The following SH3GL1 variants were observed in gnomAD, a reference collection of about 807,000 sequenced individuals.
SH3GL1 encodes endophilin-A2.
In SH3GL1, 21 loss-of-function variants were observed where a neutral mutation model predicts 48.8. The observed-to-expected ratio is 0.43, with a 90% CI of 0.30 to 0.62. The LOEUF (loss-of-function observed/expected upper bound fraction) is 0.62. Among genes scored for constraint, SH3GL1 ranks in the 20% least tolerant of loss-of-function variants. SH3GL1 has a pLI of 0.11. For synonymous variants in SH3GL1, 282 were observed against 217.5 expected, an observed-to-expected ratio of 1.30 and a Z score of -2.61; for missense variants, 454 against 503.0, an observed-to-expected ratio of 0.90 and a Z score of 0.93.
At chr19:4,378,408 G>A (rs1375150730) in intron 1 of SH3GL1, among the ~76,000 whole-genome samples, 2 of 152,110 alleles carry the variant, frequency 1.3e-5, no homozygotes, top group African/African-American at 4.8e-5. Flanking sequence ...AGGCGTGGAT[G>A]TGCTTTAGAA....
In SH3GL1 at chr19:4,363,727, T is replaced by C; in HGVS notation, c.617A>G (p.Glu206Gly). The change falls in exon 6 of 10, where the codon GAG (glutamate) becomes GGG (glycine). Residue 206 changes from glutamate to glycine, a missense_variant. Glu to Gly is a moderately conservative substitution (Grantham distance 98, BLOSUM62 -2). Around this residue, in one of 2 missense-constraint regions of SH3GL1, gnomAD observed 278 missense variants for 246.8 expected, o/e 1.13. Coordinates refer to ENST00000269886, the MANE Select transcript of SH3GL1 (RefSeq NM_003025.4). ...VAETSMHNLL[E>G]TDIEQVSQLS... ...ACACCCCGAGCTACTCACGTCAGTC[T>C]CCAGGAGGTTGTGCATGCTGGTTTC... The C allele has an allele frequency of 6.2e-7, 1 of 1,613,378 alleles. No homozygotes were observed.
intron 1 of SH3GL1, among the ~76,000 whole-genome samples, chr19:4,399,676 G>A (rs557964177): frequency 2.0e-4 from 30 of 152,308 alleles, no homozygotes; most frequent in African/African-American, 6.3e-4. Flanking sequence ...CGACGGAGGG[G>A]GAGAAATCCC....
Position 4,361,686 on chromosome 19 carries a change from C to A in SH3GL1, c.1021G>T (p.Glu341Ter). Residue 341 changes from glutamate (E) to a stop codon, truncating the protein, a stop_gained, in exon 10 of 10, where the codon GAG becomes TAG. Transcript: ENST00000269886. LOFTEE classifies it high-confidence loss of function. ...DVITLTNQID[E>*]NWYEGMLDGQ... ...TCCAGCATGCCCTCGTACCAGTTCT[C>A]ATCGATCTGGTTGGTCAGCGTGATG... 1 of 1,612,958 alleles carries A rather than the reference C, an allele frequency of 6.2e-7. No homozygotes were observed. The highest frequency in any genetic ancestry group is 8.5e-7 in the Non-Finnish European group (1 of 1,179,624).
At position 4,363,818 on chromosome 19, in the gene SH3GL1, C is replaced by G. The variant is rs773905674; in HGVS notation, c.526G>C (p.Gly176Arg). The G allele has an allele frequency of 6.2e-7, 1 of 1,613,614 alleles. No homozygotes were observed. The highest frequency in any genetic ancestry group is 8.5e-7 in the Non-Finnish European group (1 of 1,180,046). Residue 176 changes from glycine (G) to arginine (R), a missense_variant, in exon 6 of 10, where the codon GGC becomes CGC. Coordinates refer to ENST00000269886, the MANE Select transcript of SH3GL1 (RefSeq NM_003025.4). ...LDFDYKKKRQGKIPDEELRQA... is the reference protein window; with the variant it reads ...LDFDYKKKRQRKIPDEELRQA... Reference sequence around the variant, plus strand: ...CGTAGCTCCTCATCGGGGATCTTGCCCTGCCGCTTCTTCTTGTAGTCAAAG... The same window carrying G: ...CGTAGCTCCTCATCGGGGATCTTGCGCTGCCGCTTCTTCTTGTAGTCAAAG...
At chr19:4,384,356 A>G (rs1973194711) in intron 1 of SH3GL1, among the ~76,000 whole-genome samples, 1 of 152,190 alleles carries the variant, frequency 6.6e-6, no homozygotes, top group Admixed American at 6.5e-5. Flanking sequence ...ACGGTGGAGG[A>G]GGGTTGAAAT....
intron 1 of SH3GL1, among the ~76,000 whole-genome samples, chr19:4,382,250 T>TTCC (rs1973148681): frequency 8.0e-6 from 1 of 124,534 alleles, no homozygotes; most frequent in Non-Finnish European, 1.8e-5. Flanking sequence ...GGTGCTCCGC[T>TTCC]TTCTTTTTTT....
intron 3 of SH3GL1, among the ~76,000 whole-genome samples, chr19:4,365,943 G>A (rs547942395): frequency 5.9e-5 from 9 of 152,294 alleles, no homozygotes; most frequent in Admixed American, 2.0e-4. Context: ...GATGTGCAGC[G>A]GGGGGTGGTT....
intron 1 of SH3GL1, among the ~76,000 whole-genome samples, chr19:4,386,295 C>G (rs1599615699): frequency 6.6e-6 from 1 of 152,156 alleles, no homozygotes; most frequent in East Asian, 1.9e-4. Flanking sequence ...AGAAAGTTCC[C>G]AGAGCTTCCT....
rs1490704484 is a variant in SH3GL1, at chr19:4,393,300, A to AC, written c.45+7023_45+7024insG. Among the ~76,000 whole-genome samples the AC allele has an allele frequency of 7.2e-5, 11 of 151,758 alleles. No homozygotes were observed. In the South Asian group the frequency reaches 1.5e-3, roughly 20 times the overall value. ...CAAAAATAACAAAACAAACAAACAA[A>AC]AAAAAACACCATCATAAATAAACTA... is the stretch of plus-strand genomic sequence containing the variant. On this transcript the variant is annotated intron_variant, in intron 1 of 9. Coordinates refer to ENST00000269886, the MANE Select transcript of SH3GL1 (RefSeq NM_003025.4).
chr19:4,363,335 C>T, intron 7 of SH3GL1, 35 bp downstream of exon 7: 1 of 1,528,210 alleles, frequency 6.5e-7, no homozygotes, highest in Non-Finnish European at 8.9e-7. Context: ...CGCATGGCAG[C>T]CCAGACTCTG....
intron 1 of SH3GL1, among the ~76,000 whole-genome samples, chr19:4,397,883 G>C (rs1342236757): frequency 1.3e-5 from 2 of 152,258 alleles, no homozygotes; most frequent in East Asian, 1.9e-4. Flanking sequence ...GTCTCACTTT[G>C]CTGCCCAGGC....
intron 1 of SH3GL1, among the ~76,000 whole-genome samples, chr19:4,392,070 G>A (rs1973347637): frequency 6.6e-6 from 1 of 152,196 alleles, no homozygotes; most frequent in African/African-American, 2.4e-5. Flanking sequence ...AGGTCAGCCT[G>A]CAGCTGCTGG....
intron 1 of SH3GL1, among the ~76,000 whole-genome samples, chr19:4,369,228 CT>C (rs1192419456): frequency 6.6e-6 from 1 of 152,222 alleles, no homozygotes; most frequent in African/African-American, 2.4e-5. Flanking sequence ...GGAGCCCCCC[CT>C]CCCTAGGTGT....
At chr19:4,387,792 G>A (rs1001809236) in intron 1 of SH3GL1, among the ~76,000 whole-genome samples, 5 of 151,596 alleles carry the variant, frequency 3.3e-5, no homozygotes, top group East Asian at 1.9e-4. Flanking sequence ...CCAGCGATTC[G>A]CCTGCCTCAG....
rs1534850 is a variant in SH3GL1 at position 4,365,347 on chromosome 19, C to G, written c.331+135G>C. On this transcript the variant is annotated intron_variant, in intron 4 of 9. Transcript: ENST00000269886. ...GGTTGGTCTGTGCAGTCTCCTGCAC[C>G]TCTGCAGCTGGAAAGCTGTGGGGGC... The G allele has an allele frequency of 5.2e-3, 6,344 of 1,224,898 alleles. 256 individuals carry two copies. In the African/African-American group the frequency reaches 0.084, roughly 16 times the overall value. The allele number at this position is 1,224,898 out of a possible 1,614,324, so 75.9% of individuals were successfully genotyped here. A position where few individuals can be genotyped will look rare whatever the true frequency, so the allele number is the denominator to read the frequency against.
chr19:4,369,497 C>T (rs1972853145), intron 1 of SH3GL1, among the ~76,000 whole-genome samples: 1 of 152,212 alleles, frequency 6.6e-6, no homozygotes, highest in Non-Finnish European at 1.5e-5. Flanking sequence ...TCCGTCAGGG[C>T]CCTTCCCCAG....
In SH3GL1 at chr19:4,362,321, A is replaced by ACACT. The variant is rs1446142476; in HGVS notation, c.910+4_910+7dup. The ACACT allele has an allele frequency of 2.5e-6, 4 of 1,610,356 alleles. No individual in the cohort carries two copies. The highest frequency in any genetic ancestry group is 3.4e-6 in the Non-Finnish European group (4 of 1,178,136). On this transcript the variant is annotated splice_region_variant and intron_variant, in intron 9 of 9. Transcript: ENST00000269886. The stretch of plus-strand genomic sequence containing the variant: ...CACTGAGGTCGAGGCGGGCCTGGGA[A>ACACT]CACTCACGCATGCTCCGGCTAGGGG...
At chr19:4,364,486 A>C (rs1008686649) in intron 4 of SH3GL1, 3 of 477,044 alleles carry the variant, frequency 6.3e-6, no homozygotes, top group African/African-American at 5.9e-5. Flanking sequence ...GCTGCAGTGC[A>C]GTGGCATGAT....
chr19:4,369,196 C>T (rs1972845979), intron 1 of SH3GL1, among the ~76,000 whole-genome samples: 1 of 152,244 alleles, frequency 6.6e-6, no homozygotes, highest in African/African-American at 2.4e-5. Context: ...CCCTCCATTT[C>T]TGCTGAAGGC....
Sources: allele counts gnomAD v4.1 joint callset (sites outside exome capture counted in the v4.1 genomes callset), GRCh38; gene constraint gnomAD v4.1.1; regional missense constraint gnomAD v4.1.1; transcripts MANE v1.5; gene names NCBI Gene and HGNC (gene_info 2026-07-23, HGNC 2026-07-21).